Variants in VWA5B1 observed in about 807,000 individuals in gnomAD.
VWA5B1 encodes von Willebrand factor A domain containing 5B1, also known as von Willebrand factor A domain-containing protein 5B1.
A neutral mutation model predicts 118.2 loss-of-function variants in VWA5B1; 115 were observed. That is an observed-to-expected ratio of 0.97 (90% CI 0.84 to 1.14). VWA5B1 has a LOEUF of 1.14. VWA5B1 is among the 50% of genes most tolerant of loss of function. The pLI is 0.00. For missense variants in VWA5B1, 1,596 were observed against 1,603.8 expected (o/e 1.00, Z 0.08); for synonymous variants, 682 against 658.4 (o/e 1.04, Z -0.55).
chr1:20,293,990 T>C (rs2088359488), intron 1 of VWA5B1, among the ~76,000 whole-genome samples: 1 of 152,070 alleles, frequency 6.6e-6, no homozygotes, highest in Admixed American at 6.5e-5. Flanking sequence ...TCAATGTCAG[T>C]TTGAATGAAC....
Position 20,330,974 on chromosome 1 carries a change from G to A in VWA5B1, c.1563G>A (p.Leu521=). 6.5e-7 allele frequency: 1 copy of A among 1,547,822 alleles called. No homozygotes were observed. The highest frequency in any genetic ancestry group is 8.7e-7 in the Non-Finnish European group (1 of 1,145,130). Residue 521 remains leucine, a synonymous_variant, in exon 11 of 22, where the codon CTG becomes CTA. Transcript: ENST00000289815. ...SAELLMEGER[L]QPKMVKSLKK... ...AGCTCCTGATGGAGGGGGAGCGGCT[G>A]CAACCCAAGGTAGGCAGCAGAACCC...
chr1:20,352,234 G>A, intron 21 of VWA5B1, 62 bp downstream of exon 21: 2 of 1,252,054 alleles, frequency 1.6e-6, no homozygotes, highest in Non-Finnish European at 2.2e-6. Context: ...GGGCCTTCCT[G>A]TGATCCCCCT....
chr1:20,313,632 G>A (rs1315825719), intron 3 of VWA5B1, among the ~76,000 whole-genome samples: 3 of 152,218 alleles, frequency 2.0e-5, no homozygotes, highest in African/African-American at 7.2e-5. Flanking sequence ...ATGTAGACCA[G>A]GTATAATATA....
intron 21 of VWA5B1, among the ~76,000 whole-genome samples, chr1:20,353,147 G>A (rs1351478756): frequency 1.3e-5 from 2 of 152,234 alleles, no homozygotes; most frequent in Non-Finnish European, 2.9e-5. Context: ...CTCCAGAGGA[G>A]AGACAGAGCT....
intron 1 of VWA5B1, among the ~76,000 whole-genome samples, chr1:20,295,197 G>C (rs563032668): frequency 2.0e-5 from 3 of 152,278 alleles, no homozygotes; most frequent in African/African-American, 7.2e-5. Context: ...TGGGTTGAGG[G>C]AGGAACGTAA....
chr1:20,298,437 C>A lies in VWA5B1; in HGVS notation c.-27+7349C>A, dbSNP rs895366972. ...TAAGATACCCCATTTCTAAGAGATT[C>A]CTTACAAGCCTATCAGGAAGTCTGG... On this transcript the variant is annotated intron_variant, in intron 1 of 21. Coordinates refer to ENST00000289815, the MANE Select transcript of VWA5B1 (RefSeq NM_001039500.3). 3.9e-4 allele frequency among the ~76,000 whole-genome samples: 60 copies of A among 152,196 alleles called. 1 individual carries two copies. The highest frequency in any genetic ancestry group is 1.4e-3 in the African/African-American group (59 of 41,532).
rs1371198865 is a variant in VWA5B1 at position 20,342,457 on chromosome 1, T to G, written c.2159T>G (p.Leu720Arg). The G allele has an allele frequency of 1.3e-6, 2 of 1,551,238 alleles. No individual in the cohort carries two copies. The highest frequency in any genetic ancestry group is 1.7e-6 in the Non-Finnish European group (2 of 1,146,924). The change falls in exon 15 of 22, where the codon CTG (leucine) becomes CGG (arginine). Residue 720 changes from leucine to arginine, a missense_variant. Physicochemically the swap from Leu to Arg is moderately radical, Grantham distance 102 (BLOSUM62 -2). Coordinates refer to ENST00000289815, the MANE Select transcript of VWA5B1 (RefSeq NM_001039500.3). ...LQPLLNSGQD[L>R]NQGPKLRGPG... ...CCCTTGCTGAACAGTGGTCAGGACC[T>G]GAACCAGGGCCCCAAACTCCGTGGC... is the stretch of plus-strand genomic sequence containing the variant.
At position 20,345,634 on chromosome 1, in the gene VWA5B1, G is replaced by A. The variant is rs374722310; in HGVS notation, c.2764+41G>A. On this transcript the variant is annotated intron_variant, in intron 17 of 21. Coordinates refer to ENST00000289815, the MANE Select transcript of VWA5B1 (RefSeq NM_001039500.3). ...GGCCGGGGGCACTCCTGGGGGCCAA[G>A]CAGCCCCTGTGGACTAGGGGAGGGG... The A allele has an allele frequency of 1.5e-5, 22 of 1,508,760 alleles. No individual in the cohort carries two copies. In the African/African-American group the frequency reaches 1.8e-4, roughly 12 times the overall value. 93.5% of individuals were successfully genotyped at this position (1,508,760 alleles called of 1,614,324 possible).
At chr1:20,328,165 A>G (rs551285589) in intron 9 of VWA5B1, among the ~76,000 whole-genome samples, 165 bp downstream of exon 9, 1 of 152,232 alleles carries the variant, frequency 6.6e-6, no homozygotes, top group East Asian at 1.9e-4. Context: ...AAGAGAAACT[A>G]TCTCTGTTTG....
intron 1 of VWA5B1, among the ~76,000 whole-genome samples, chr1:20,304,935 A>T (rs992739462): frequency 6.6e-6 from 1 of 152,100 alleles, no homozygotes; most frequent in Non-Finnish European, 1.5e-5. Context: ...GCTGAAAATC[A>T]TATATGTAAA....
rs3067730 is a variant in VWA5B1, at chr1:20,291,387, T to G, written c.-27+299T>G. ...TCTCTCTCTCTCTCTCTCTCTCTCT[T>G]TCTGTCTCCTCTATTTCTCTCCCTC... On this transcript the variant is annotated intron_variant, in intron 1 of 21. Coordinates refer to ENST00000289815, the MANE Select transcript of VWA5B1 (RefSeq NM_001039500.3). 1.1e-3 allele frequency among the ~76,000 whole-genome samples: 131 copies of G among 114,240 alleles called. 4 individuals carry two copies. In the South Asian group the frequency reaches 0.019, roughly 17 times the overall value. The allele number at this position is 114,240 out of a possible 152,430, so 74.9% of individuals were successfully genotyped here.
chr1:20,292,543 G>T (rs1375696936), intron 1 of VWA5B1, among the ~76,000 whole-genome samples: 3 of 152,258 alleles, frequency 2.0e-5, no homozygotes, highest in African/African-American at 7.2e-5. Flanking sequence ...AAGTGGGTCT[G>T]TGTGTGTATA....
chr1:20,300,024 G>T (rs1299120375), intron 1 of VWA5B1, among the ~76,000 whole-genome samples: 1 of 152,186 alleles, frequency 6.6e-6, no homozygotes. Context: ...GCAGGCAGCA[G>T]GGGGGCGCCA....
At position 20,333,392 on chromosome 1, in the gene VWA5B1, A is replaced by T. The variant is rs943968548; in HGVS notation, c.1758+441A>T. Among the ~76,000 whole-genome samples the T allele has an allele frequency of 2.0e-5, 3 of 152,174 alleles. No homozygotes were observed. The East Asian group carries it at 5.8e-4, about 29-fold the overall frequency. ...CTCAGGAGGCTGAGGCACGAGAATC[A>T]CTTGAACTCGGGAGGCGGAGTTTGC... On this transcript the variant is annotated intron_variant, in intron 12 of 21. Transcript: ENST00000289815.
chr1:20,343,444 C>G (rs951592838), intron 16 of VWA5B1, 51 bp downstream of exon 16: 29 of 1,463,688 alleles, frequency 2.0e-5, no homozygotes, highest in Non-Finnish European at 2.3e-5. Flanking sequence ...CGGAGGACAG[C>G]CCCGCTCCAC....
Position 20,358,638 on chromosome 1 carries a change from G to C in VWA5B1, c.*4375G>C, listed in dbSNP as rs904239473. 1.3e-5 allele frequency among the ~76,000 whole-genome samples: 2 copies of C among 152,146 alleles called. No homozygotes were observed. The highest frequency in any genetic ancestry group is 2.9e-5 in the Non-Finnish European group (2 of 68,032). On this transcript the variant is annotated 3_prime_UTR_variant, in exon 22 of 22. Transcript: ENST00000289815. ...CTCTAAGTGGTCTCTAGAATCAAAT[G>C]CACTCCATACTTTTAGTGCCCTGGG...
At chr1:20,312,812 T>A in intron 2 of VWA5B1, 24 bp from the exon 3 acceptor site, 1 of 1,535,614 alleles carries the variant, frequency 6.5e-7, no homozygotes, top group South Asian at 1.2e-5. Context: ...GGGCACCCCG[T>A]GATGCTGGGC....
At chr1:20,340,228 A>C (rs1002701873) in intron 14 of VWA5B1, among the ~76,000 whole-genome samples, 6 of 151,226 alleles carry the variant, frequency 4.0e-5, no homozygotes, top group African/African-American at 9.7e-5. Flanking sequence ...CACTCCATGC[A>C]CCCTCTGGCT....
At chr1:20,329,758 A>AT (rs11448065) in intron 9 of VWA5B1, among the ~76,000 whole-genome samples, 16,339 of 152,144 alleles carry the variant, frequency 0.11, 1,009 homozygotes, top group Admixed American at 0.14. Flanking sequence ...TAGAGAAATG[A>AT]TTTTCTCAAA....
Sources: allele counts gnomAD v4.1 joint callset (sites outside exome capture counted in the v4.1 genomes callset), GRCh38; gene constraint gnomAD v4.1.1; transcripts MANE v1.5; gene names NCBI Gene and HGNC (gene_info 2026-07-23, HGNC 2026-07-21).